SOX5: variants seen among roughly 807,000 people sequenced by gnomAD.
The protein encoded by SOX5 is transcription factor SOX-5.
In SOX5, 9 loss-of-function variants were observed where a neutral mutation model predicts 92.0. That is an observed-to-expected ratio of 0.10 (90% CI 0.06 to 0.17). The LOEUF is 0.17. Ranked by LOEUF, SOX5 falls within the 10% of genes least tolerant of loss-of-function variation. The pLI is 1.00. For missense variants in SOX5, 642 were observed against 944.5 expected (o/e 0.68, Z 4.20); for synonymous variants, 344 against 336.3 (o/e 1.02, Z -0.25).
chr12:24,355,282 C>CTTTTTTTTTTTT lies in SOX5; in HGVS notation c.-174+13269_-174+13280dup, dbSNP rs768157437. On this transcript the variant is annotated intron_variant, in intron 2 of 4. Coordinates refer to the SOX5 transcript ENST00000446891. ...TTAGCAGGTGTGGTGAGGGGTGCAT[C>CTTTTTTTTTTTT]TTTTTTTTTTTTTTTTTTTTTTTTT... Among the ~76,000 whole-genome samples, 23 of 71,930 alleles carry CTTTTTTTTTTTT rather than the reference C, an allele frequency of 3.2e-4. 3 individuals carry two copies. Among genetic ancestry groups the CTTTTTTTTTTTT allele is most frequent in the African/African-American group, 4.4e-4 (6 of 13,614 alleles). 47.2% of individuals were successfully genotyped at this position (71,930 alleles called of 152,430 possible).
At chr12:24,171,236 T>TTTTTTTTG (rs1954106155) in intron 4 of SOX5, among the ~76,000 whole-genome samples, 1 of 130,218 alleles carries the variant, frequency 7.7e-6, no homozygotes, top group Admixed American at 7.7e-5. Flanking sequence ...TTTGTTTTTT[T>TTTTTTTTG]TTTTGGAGAC....
chr12:24,112,421 T>C (rs11047265), intron 4 of SOX5, among the ~76,000 whole-genome samples: 32,928 of 151,684 alleles, frequency 0.22, 3,733 homozygotes, highest in Admixed American at 0.28. Flanking sequence ...TACTCTCTGG[T>C]CCTTTACAGA....
chr12:23,987,504 C>CA lies in SOX5; in HGVS notation c.-1-91481dup, dbSNP rs143976307. 8.3e-3 allele frequency among the ~76,000 whole-genome samples: 1,266 copies of CA among 152,292 alleles called. 24 individuals carry two copies. The highest frequency in any genetic ancestry group is 0.029 in the African/African-American group (1,205 of 41,574). ...CTTAGAGAGGCAACCACAACTCCAT[C>CA]ATGAAGAGCTGGGTGTGGTGGTTCA... On this transcript the variant is annotated intron_variant, in intron 4 of 4. Coordinates refer to the SOX5 transcript ENST00000446891.
chr12:23,647,634 G>T (rs1300585769), intron 7 of SOX5, among the ~76,000 whole-genome samples: 1 of 152,156 alleles, frequency 6.6e-6, no homozygotes, highest in Non-Finnish European at 1.5e-5. Context: ...TAGATAACTT[G>T]CTGCAGCTTC....
intron 2 of SOX5, among the ~76,000 whole-genome samples, chr12:24,356,169 T>A (rs1367806811): frequency 6.6e-6 from 1 of 151,970 alleles, no homozygotes; most frequent in Non-Finnish European, 1.5e-5. Flanking sequence ...CATAAAATAA[T>A]CCCTTAAGTA....
intron 6 of SOX5, among the ~76,000 whole-genome samples, chr12:23,683,313 T>C (rs1161911309): frequency 1.3e-5 from 2 of 151,984 alleles, no homozygotes; most frequent in East Asian, 3.9e-4. Context: ...ACATTCCATT[T>C]TATATTTTTT....
At chr12:23,691,272 CTA>C (rs199932172) in intron 6 of SOX5, among the ~76,000 whole-genome samples, 2,180 of 152,284 alleles carry the variant, frequency 0.014, 18 homozygotes, top group South Asian at 0.028. Context: ...TTACGTCACA[CTA>C]TTATTTTCTG....
chr12:23,789,556 T>C (rs1224849519), intron 3 of SOX5, among the ~76,000 whole-genome samples: 2 of 152,122 alleles, frequency 1.3e-5, no homozygotes, highest in Non-Finnish European at 2.9e-5. Context: ...TCACGGAAAA[T>C]ATTAACCTAG....
At chr12:23,855,951 T>C (rs1165520063) in intron 2 of SOX5, among the ~76,000 whole-genome samples, 2 of 152,150 alleles carry the variant, frequency 1.3e-5, no homozygotes, top group Admixed American at 1.3e-4. Context: ...TAGAGAACTA[T>C]GTTTAGGGCA....
At chr12:24,104,986 A>G (rs1488406621) in intron 4 of SOX5, among the ~76,000 whole-genome samples, 1 of 152,236 alleles carries the variant, frequency 6.6e-6, no homozygotes, top group African/African-American at 2.4e-5. Flanking sequence ...ACAGTCTCTA[A>G]GTCTCTATAT....
chr12:23,769,283 T>C (rs896610701), intron 3 of SOX5, among the ~76,000 whole-genome samples: 2 of 151,970 alleles, frequency 1.3e-5, no homozygotes, highest in Admixed American at 6.6e-5. Context: ...TTTCCATACA[T>C]ATTTTGGCCT....
At chr12:24,448,219 T>C (rs1006700490) in intron 1 of SOX5, among the ~76,000 whole-genome samples, 2 of 151,950 alleles carry the variant, frequency 1.3e-5, no homozygotes, top group African/African-American at 4.8e-5. Context: ...TCATATGAGA[T>C]GCAACTAAAA....
chr12:23,593,039 C>G (rs7975283), intron 9 of SOX5, among the ~76,000 whole-genome samples: 5 of 151,806 alleles, frequency 3.3e-5, no homozygotes, highest in Admixed American at 3.3e-4. Flanking sequence ...AGATCGCGCC[C>G]CTGCACTCCA....
chr12:23,784,170 T>C (rs2095335882), intron 3 of SOX5, among the ~76,000 whole-genome samples: 1 of 152,186 alleles, frequency 6.6e-6, no homozygotes, highest in African/African-American at 2.4e-5. Context: ...CTTGGCTCAT[T>C]GAGCTGGCTC....
At chr12:24,048,689 A>T (rs1957272307) in intron 4 of SOX5, among the ~76,000 whole-genome samples, 1 of 152,212 alleles carries the variant, frequency 6.6e-6, no homozygotes, top group African/African-American at 2.4e-5. Flanking sequence ...AAAATACCTG[A>T]ACTATTAACA....
chr12:23,912,352 A>C (rs1277412263), intron 1 of SOX5, among the ~76,000 whole-genome samples: 1 of 152,180 alleles, frequency 6.6e-6, no homozygotes, highest in African/African-American at 2.4e-5. Context: ...GACAATAACA[A>C]ATGTTGGAGA....
At chr12:24,122,571 A>G (rs922481398) in intron 4 of SOX5, among the ~76,000 whole-genome samples, 2 of 152,228 alleles carry the variant, frequency 1.3e-5, no homozygotes, top group African/African-American at 4.8e-5. Flanking sequence ...AGACAGAAGT[A>G]AACTAGAAGA....
chr12:24,088,037 G>T (rs766221997), intron 4 of SOX5, among the ~76,000 whole-genome samples: 1 of 151,910 alleles, frequency 6.6e-6, no homozygotes, highest in Non-Finnish European at 1.5e-5. Flanking sequence ...GGAAGCACTT[G>T]CATCCCCCAG....
At chr12:23,899,557 C>T (rs1296982852) in intron 1 of SOX5, among the ~76,000 whole-genome samples, 3 of 152,052 alleles carry the variant, frequency 2.0e-5, no homozygotes, top group African/African-American at 4.8e-5. Flanking sequence ...TGATTTTTAT[C>T]ACTTCTGTGG....
Sources: allele counts gnomAD v4.1 joint callset (sites outside exome capture counted in the v4.1 genomes callset), GRCh38; gene constraint gnomAD v4.1.1; transcripts MANE v1.5; gene names NCBI Gene and HGNC (gene_info 2026-07-23, HGNC 2026-07-21).